Variants in GRIN2B observed in about 807,000 individuals in gnomAD.
The protein encoded by GRIN2B is glutamate receptor ionotropic, NMDA 2B.
GRIN2B carries 5 observed loss-of-function variants against 114.5 expected under a neutral mutation model. The ratio of observed to expected loss-of-function variants is 0.04; its 90% CI spans 0.02 to 0.09. The LOEUF (loss-of-function observed/expected upper bound fraction) is 0.09. Among genes scored for constraint, GRIN2B ranks in the 10% least tolerant of loss-of-function variants. GRIN2B has a pLI of 1.00. For missense variants in GRIN2B, 1,108 were observed against 1,943.5 expected (o/e 0.57, Z 8.08); for synonymous variants, 787 against 745.1 (o/e 1.06, Z -0.92).
intron 2 of GRIN2B, among the ~76,000 whole-genome samples, chr12:13,924,686 T>G (rs760972432): frequency 6.6e-6 from 1 of 152,152 alleles, no homozygotes; most frequent in African/African-American, 2.4e-5. Context: ...GGGAAGAGGA[T>G]CTAGAAGAGC....
At chr12:13,600,982 C>T (rs779718391) in intron 10 of GRIN2B, among the ~76,000 whole-genome samples, 1 of 152,186 alleles carries the variant, frequency 6.6e-6, no homozygotes, top group Non-Finnish European at 1.5e-5. Context: ...TCCATTCTTC[C>T]AGGCAAAGGA....
intron 3 of GRIN2B, among the ~76,000 whole-genome samples, chr12:13,805,201 A>T (rs1028200006): frequency 3.3e-5 from 5 of 152,182 alleles, no homozygotes; most frequent in Admixed American, 2.6e-4. Flanking sequence ...ACAATTAAGA[A>T]ACCAAAGCGC....
rs566227190 is a variant in GRIN2B at position 13,955,988 on chromosome 12, T to C, written c.-19+23940A>G. Among the ~76,000 whole-genome samples, 109 of 152,246 alleles carry C rather than the reference T, an allele frequency of 7.2e-4. 1 individual carries two copies. Among genetic ancestry groups the C allele is most frequent in the African/African-American group, 2.5e-3 (103 of 41,550 alleles). On this transcript the variant is annotated intron_variant, in intron 2 of 13. Coordinates refer to ENST00000609686, the MANE Select transcript of GRIN2B (RefSeq NM_000834.5). ...GCGAATACAGAGTGATACGTAAGAA[T>C]GCAGGAGAGAAAAATGCGTCCCCTG...
intron 3 of GRIN2B, among the ~76,000 whole-genome samples, chr12:13,807,314 T>A (rs960189968): frequency 2.5e-4 from 38 of 152,170 alleles, no homozygotes; most frequent in African/African-American, 8.0e-4. Context: ...CTGTGAGTAG[T>A]CGCTGTGTGG....
intron 3 of GRIN2B, among the ~76,000 whole-genome samples, chr12:13,842,922 T>C (rs923759381): frequency 0.045 from 3,758 of 83,766 alleles, 49 homozygotes; most frequent in Non-Finnish European, 0.07. Flanking sequence ...TTTTTCTTTT[T>C]TTTTTTTTTT....
chr12:13,773,078 G>A (rs1863936858), intron 3 of GRIN2B, among the ~76,000 whole-genome samples: 1 of 152,188 alleles, frequency 6.6e-6, no homozygotes. Flanking sequence ...GTGATGGGTT[G>A]GAGGGGACAG....
chr12:13,723,897 A>C (rs1236602829), intron 4 of GRIN2B, among the ~76,000 whole-genome samples: 1 of 152,118 alleles, frequency 6.6e-6, no homozygotes, highest in Non-Finnish European at 1.5e-5. Flanking sequence ...GAGGAAAAAA[A>C]CTAATAGTGG....
chr12:13,576,632 A>G (rs1235066880), intron 10 of GRIN2B, among the ~76,000 whole-genome samples: 1 of 151,274 alleles, frequency 6.6e-6, no homozygotes, highest in Non-Finnish European at 1.5e-5. Context: ...CTGAAACCTC[A>G]ACTTCAACCT....
intron 2 of GRIN2B, among the ~76,000 whole-genome samples, chr12:13,932,749 G>T (rs1867056612): frequency 6.6e-6 from 1 of 152,160 alleles, no homozygotes; most frequent in South Asian, 2.1e-4. Context: ...AGAACCAAAA[G>T]GTTGGGAGAA....
chr12:13,641,689 G>A (rs1949717693), intron 5 of GRIN2B, among the ~76,000 whole-genome samples: 2 of 152,066 alleles, frequency 1.3e-5, no homozygotes, highest in Admixed American at 1.3e-4. Context: ...AATGAATCCA[G>A]GACTGAGCCC....
At chr12:13,688,686 A>G (rs1013652298) in intron 4 of GRIN2B, among the ~76,000 whole-genome samples, 21 of 152,226 alleles carry the variant, frequency 1.4e-4, no homozygotes, top group African/African-American at 5.1e-4. Context: ...AAGGCAGACA[A>G]TAAGAGCTAG....
intron 4 of GRIN2B, among the ~76,000 whole-genome samples, chr12:13,731,337 C>T: frequency 6.6e-6 from 1 of 152,174 alleles, no homozygotes; most frequent in East Asian, 1.9e-4. Context: ...AAAGCCATCA[C>T]ACCTGTAATC....
rs11354278 is a variant in GRIN2B at position 13,920,235 on chromosome 12, G to GAA, written c.-18-54011_-18-54010dup. On this transcript the variant is annotated intron_variant, in intron 2 of 13. Coordinates refer to ENST00000609686, the MANE Select transcript of GRIN2B (RefSeq NM_000834.5). ...GTAACATAGCAAGACCCTATCTCAAGAAAAAAAAAAAAAAACGGGGATTGG... is the reference window on the plus strand; with the variant it reads ...GTAACATAGCAAGACCCTATCTCAAGAAAAAAAAAAAAAAAAACGGGGATTGG... Among the ~76,000 whole-genome samples the GAA allele has an allele frequency of 7.3e-4, 102 of 139,294 alleles. 1 individual carries two copies. In the Middle Eastern group the frequency reaches 0.011, roughly 15 times the overall value. The allele number at this position is 139,294 out of a possible 152,430, so 91.4% of individuals were successfully genotyped here.
At chr12:13,629,675 T>C (rs181383570) in intron 5 of GRIN2B, among the ~76,000 whole-genome samples, 2 of 152,166 alleles carry the variant, frequency 1.3e-5, no homozygotes, top group South Asian at 2.1e-4. Context: ...TACTTTTCTC[T>C]CCCTCTCTCT....
intron 11 of GRIN2B, 21 bp from the exon 12 acceptor site, chr12:13,570,038 C>T: frequency 1.3e-6 from 2 of 1,571,932 alleles, no homozygotes; most frequent in Non-Finnish European, 1.8e-6. Context: ...AAAAAGCAAA[C>T]AAATCCAATG....
chr12:13,724,375 A>G (rs1489489072), intron 4 of GRIN2B, among the ~76,000 whole-genome samples: 1 of 152,140 alleles, frequency 6.6e-6, no homozygotes, highest in Non-Finnish European at 1.5e-5. Context: ...ACTTTGAGGA[A>G]GTTAGACTGG....
chr12:13,556,426 GC>G lies in GRIN2B; in HGVS notation c.*6356del, dbSNP rs1426112833. The G allele has an allele frequency of 5.3e-5, 8 of 152,012 alleles. No homozygotes were observed. Among genetic ancestry groups the G allele is most frequent in the African/African-American group, 1.9e-4 (8 of 41,388 alleles). The allele number at this position is 152,012 out of a possible 1,614,324, so 9.4% of individuals were successfully genotyped here. A position where few individuals can be genotyped will look rare whatever the true frequency, so the allele number is the denominator to read the frequency against. ...ACCTTTTATATCATTCACAGAACTAGCCTAGGGACATAGTACGTGCACAATA... is the reference window on the plus strand; with the variant it reads ...ACCTTTTATATCATTCACAGAACTAGCTAGGGACATAGTACGTGCACAATA... On this transcript the variant is annotated 3_prime_UTR_variant, in exon 14 of 14. Coordinates refer to ENST00000609686, the MANE Select transcript of GRIN2B (RefSeq NM_000834.5).
intron 3 of GRIN2B, among the ~76,000 whole-genome samples, chr12:13,857,195 G>A (rs1023432841): frequency 3.9e-5 from 6 of 152,180 alleles, no homozygotes; most frequent in Non-Finnish European, 2.9e-5. Context: ...TGAGCATCAA[G>A]GAAAGCTTTC....
At chr12:13,852,519 T>A (rs1865585665) in intron 3 of GRIN2B, among the ~76,000 whole-genome samples, 1 of 151,948 alleles carries the variant, frequency 6.6e-6, no homozygotes, top group Admixed American at 6.5e-5. Context: ...AAGAAAAGGA[T>A]GCCTTTTCTT....
Sources: gnomAD v4.1 joint callset for allele counts (sites outside exome capture counted in the v4.1 genomes callset) on GRCh38, gnomAD v4.1.1 for gene constraint, MANE v1.5 for transcripts, NCBI Gene and HGNC (gene_info 2026-07-23, HGNC 2026-07-21) for gene names.